C12orf42: variants seen among roughly 807,000 people sequenced by gnomAD.
C12orf42 encodes the protein uncharacterized protein C12orf42.
In C12orf42, 25 loss-of-function variants were observed where a neutral mutation model predicts 21.6. That is an observed-to-expected ratio of 1.16 (90% CI 0.84 to 1.62). C12orf42 has a LOEUF of 1.62. Among genes scored for constraint, C12orf42 ranks in the 40% most tolerant of loss-of-function variants. The probability of loss-of-function intolerance (pLI) is 0.00; values close to 1 mark genes in which losing one functional copy is unlikely to be tolerated. For synonymous variants in C12orf42, 174 were observed against 175.0 expected (o/e 0.99, Z 0.05); for missense variants, 483 against 459.3 (o/e 1.05, Z -0.47).
the C12orf42 span, among the ~76,000 whole-genome samples, chr12:103,135,572 C>T: frequency 6.6e-6 from 1 of 152,042 alleles, no homozygotes; most frequent in Non-Finnish European, 1.5e-5. Flanking sequence ...TACAAAACAA[C>T]CATGAATCAA....
intron 4 of C12orf42, among the ~76,000 whole-genome samples, chr12:103,321,625 A>T: frequency 7.0e-6 from 1 of 142,330 alleles, no homozygotes; most frequent in Admixed American, 7.1e-5. Flanking sequence ...CAAATGTCCA[A>T]CAATGATAGA....
intron 2 of C12orf42, among the ~76,000 whole-genome samples, chr12:103,425,086 G>A (rs559466351): frequency 3.9e-4 from 60 of 152,252 alleles, no homozygotes; most frequent in South Asian, 8.3e-4. Context: ...GGAACTGGAC[G>A]GAGTCCACCA....
chr12:103,435,321 G>A (rs148531141), intron 2 of C12orf42, among the ~76,000 whole-genome samples: 2,149 of 152,286 alleles, frequency 0.014, 61 homozygotes, highest in African/African-American at 0.048. Flanking sequence ...CAGAAAAACC[G>A]GAAATTCTAA....
At chr12:103,089,611 GTGTGTGTC>G in the C12orf42 span, among the ~76,000 whole-genome samples, 1 of 123,664 alleles carries the variant, frequency 8.1e-6, no homozygotes, top group African/African-American at 3.5e-5. Context: ...TTAAGAGGGT[GTGTGTGTC>G]TGTGTGTGTG....
At chr12:103,412,723 C>G (rs2048957011) in intron 2 of C12orf42, among the ~76,000 whole-genome samples, 1 of 152,304 alleles carries the variant, frequency 6.6e-6, no homozygotes, top group East Asian at 1.9e-4. Context: ...ATTAGTGATG[C>G]TGGGCATTTT....
At chr12:103,561,429 G>C in the C12orf42 span, among the ~76,000 whole-genome samples, 10 of 152,292 alleles carry the variant, frequency 6.6e-5, 1 homozygote, top group African/African-American at 2.4e-4. Flanking sequence ...GTTCTGGTAA[G>C]GGCAGTCTTT....
At chr12:103,472,047 A>ATTTTTTTTTTTTTTTTTTTTT (rs33994886) in intron 2 of C12orf42, 2 of 84,358 alleles carry the variant, frequency 2.4e-5, no homozygotes, top group Non-Finnish European at 2.1e-5. Context: ...ATACAACTCA[A>ATTTTTTTTTTTTTTTTTTTTT]TTTTTTTTTT....
At chr12:103,557,032 CT>C in the C12orf42 span, among the ~76,000 whole-genome samples, 3 of 151,862 alleles carry the variant, frequency 2.0e-5, no homozygotes, top group Admixed American at 6.6e-5. Context: ...TCTGAATAGC[CT>C]CCAGAACTGT....
At chr12:103,196,058 A>G in the C12orf42 span, among the ~76,000 whole-genome samples, 1 of 152,042 alleles carries the variant, frequency 6.6e-6, no homozygotes, top group South Asian at 2.1e-4. Flanking sequence ...GTCTTTTGAT[A>G]TGGGCATTTA....
At chr12:103,055,366 C>G in the C12orf42 span, among the ~76,000 whole-genome samples, 1 of 151,782 alleles carries the variant, frequency 6.6e-6, no homozygotes, top group South Asian at 2.1e-4. Context: ...TCATAGTTAT[C>G]TTTGTTATCC....
At chr12:103,433,809 A>G (rs917695826) in intron 2 of C12orf42, among the ~76,000 whole-genome samples, 1 of 152,222 alleles carries the variant, frequency 6.6e-6, no homozygotes, top group Non-Finnish European at 1.5e-5. Context: ...AAACAGAAAT[A>G]TGAACTAAAT....
intron 4 of C12orf42, among the ~76,000 whole-genome samples, chr12:103,312,211 G>A (rs1345160283): frequency 6.6e-6 from 1 of 152,178 alleles, no homozygotes; most frequent in African/African-American, 2.4e-5. Context: ...AAGAAGCTGA[G>A]TTTAGGACCC....
rs563947329 is a variant in C12orf42, at chr12:103,458,811, T to G, written c.78+19538A>C. Among the ~76,000 whole-genome samples the G allele has an allele frequency of 1.2e-4, 19 of 152,292 alleles. 1 individual carries two copies. In the East Asian group the frequency reaches 3.7e-3, roughly 29 times the overall value. ...ACTGAACTTCACCTAGTTGGGGAACTATACAGGTGACCACAGGATCTCTCA... is the reference window on the plus strand; with the variant it reads ...ACTGAACTTCACCTAGTTGGGGAACGATACAGGTGACCACAGGATCTCTCA... On this transcript the variant is annotated intron_variant, in intron 2 of 5. Transcript: ENST00000548883.
chr12:103,475,582 TC>T (rs1371526283), intron 2 of C12orf42, among the ~76,000 whole-genome samples: 1 of 152,204 alleles, frequency 6.6e-6, no homozygotes, highest in Non-Finnish European at 1.5e-5. Flanking sequence ...GCTGTTCCTA[TC>T]ATTGCAGCAT....
At chr12:103,361,184 C>T (rs555720064) in intron 4 of C12orf42, among the ~76,000 whole-genome samples, 1 of 152,270 alleles carries the variant, frequency 6.6e-6, no homozygotes, top group South Asian at 2.1e-4. Context: ...ACCCAGGAGA[C>T]AGCCCAAATA....
chr12:103,256,091 T>TATAC (rs2034574153), intron 10 of C12orf42, among the ~76,000 whole-genome samples: 1 of 46,874 alleles, frequency 2.1e-5, no homozygotes, highest in Non-Finnish European at 3.5e-5. Context: ...AAAAAATATA[T>TATAC]ATATATATAT....
the C12orf42 span, among the ~76,000 whole-genome samples, chr12:103,075,429 C>T: frequency 2.0e-5 from 3 of 152,146 alleles, no homozygotes; most frequent in East Asian, 1.9e-4. Context: ...TAGACACTTG[C>T]CAACATTGCC....
At chr12:103,106,033 A>G in the C12orf42 span, among the ~76,000 whole-genome samples, 2 of 152,316 alleles carry the variant, frequency 1.3e-5, no homozygotes. Flanking sequence ...CATTAGTACC[A>G]AGCACGCTGA....
At chr12:103,139,910 A>G in the C12orf42 span, among the ~76,000 whole-genome samples, 10 of 152,312 alleles carry the variant, frequency 6.6e-5, 1 homozygote, top group East Asian at 1.9e-3. Context: ...TTCTTTGTCC[A>G]TTTATGTACT....
Sources: allele counts gnomAD v4.1 joint callset (sites outside exome capture counted in the v4.1 genomes callset), GRCh38; gene constraint gnomAD v4.1.1; transcripts MANE v1.5; gene names NCBI Gene and HGNC (gene_info 2026-07-23, HGNC 2026-07-21).